The following ARHGAP6 variants were observed in gnomAD, a reference collection of about 807,000 sequenced individuals.
ARHGAP6 encodes the protein Rho GTPase activating protein 6.
A neutral mutation model predicts 55.7 loss-of-function variants in ARHGAP6; 16 were observed. The observed-to-expected ratio is 0.29, with a 90% CI of 0.19 to 0.44. The LOEUF (loss-of-function observed/expected upper bound fraction) is 0.44. Among genes scored for constraint, ARHGAP6 ranks in the 20% least tolerant of loss-of-function variants. ARHGAP6 has a pLI of 1.00. For synonymous variants in ARHGAP6, 382 were observed against 360.9 expected (o/e 1.06, Z -0.66); for missense variants, 698 against 808.9 (o/e 0.86, Z 1.66).
intron 9 of ARHGAP6, among the ~76,000 whole-genome samples, chrX:11,165,073 C>A (rs922453618): frequency 9.0e-6 from 1 of 111,706 alleles, no homozygotes; most frequent in African/African-American, 3.3e-5. Context: ...GTGTTGATAT[C>A]AGAAGTGGAG....
chrX:11,570,568 C>T (rs902257073), intron 1 of ARHGAP6, among the ~76,000 whole-genome samples: 4 of 110,117 alleles, frequency 3.6e-5, no homozygotes, highest in Non-Finnish European at 5.7e-5. Flanking sequence ...CCAGAAGATA[C>T]CACTATTATT....
At chrX:11,304,315 C>T (rs5935000) in intron 1 of ARHGAP6, among the ~76,000 whole-genome samples, 2,408 of 110,654 alleles carry the variant, frequency 0.022, 29 homozygotes, top group Middle Eastern at 0.06. Flanking sequence ...GTCTTGAACT[C>T]CTGACCTCAA....
chrX:11,208,084 T>A (rs2046734091), intron 2 of ARHGAP6, among the ~76,000 whole-genome samples: 1 of 112,044 alleles, frequency 8.9e-6, no homozygotes, highest in Admixed American at 9.5e-5. Flanking sequence ...GAGAAACACC[T>A]CTACCTCCAT....
At chrX:11,513,678 G>C (rs1019791527) in intron 1 of ARHGAP6, among the ~76,000 whole-genome samples, 1 of 110,563 alleles carries the variant, frequency 9.0e-6, no homozygotes, top group Non-Finnish European at 1.9e-5. Flanking sequence ...TTTTATCTTT[G>C]GGCACAGAGA....
intron 1 of ARHGAP6, among the ~76,000 whole-genome samples, chrX:11,323,463 TG>T (rs1377124043): frequency 8.9e-6 from 1 of 112,229 alleles, no homozygotes; most frequent in African/African-American, 3.2e-5. Context: ...ATCAAATTTA[TG>T]GTGAAGATTG....
At chrX:11,430,110 C>A (rs1569341587) in intron 1 of ARHGAP6, among the ~76,000 whole-genome samples, 1 of 112,103 alleles carries the variant, frequency 8.9e-6, no homozygotes, top group Non-Finnish European at 1.9e-5. Context: ...CAAGGTGGAT[C>A]CCTGGGTCTT....
At chrX:11,446,862 T>C (rs1250319552) in intron 1 of ARHGAP6, among the ~76,000 whole-genome samples, 1 of 111,932 alleles carries the variant, frequency 8.9e-6, no homozygotes, top group Non-Finnish European at 1.9e-5. Context: ...AAGAACGACA[T>C]TGAGTCTCAC....
chrX:11,335,578 C>T (rs1016960425), intron 1 of ARHGAP6: 22 of 183,874 alleles, frequency 1.2e-4, no homozygotes, highest in Non-Finnish European at 2.1e-4. Context: ...TGCATAGTAT[C>T]CCATGGTGTA....
chrX:11,634,227 T>C (rs2052393162), intron 1 of ARHGAP6, among the ~76,000 whole-genome samples: 1 of 110,452 alleles, frequency 9.1e-6, no homozygotes, highest in South Asian at 3.9e-4. Context: ...CTGGTAATTA[T>C]TTTTATTTAA....
chrX:11,435,134 C>T (rs1364213997), intron 1 of ARHGAP6, among the ~76,000 whole-genome samples: 2 of 111,825 alleles, frequency 1.8e-5, no homozygotes, highest in Admixed American at 1.9e-4. Flanking sequence ...GCCAGATATG[C>T]TGCTCAACTT....
intron 1 of ARHGAP6, among the ~76,000 whole-genome samples, chrX:11,280,553 T>C (rs2047841663): frequency 1.8e-5 from 2 of 109,990 alleles, no homozygotes; most frequent in African/African-American, 6.6e-5. Flanking sequence ...GTATCCACAA[T>C]AGGTTACTTG....
intron 1 of ARHGAP6, among the ~76,000 whole-genome samples, chrX:11,557,684 A>G (rs1021473171): frequency 2.7e-5 from 3 of 112,307 alleles, no homozygotes; most frequent in Non-Finnish European, 5.6e-5. Context: ...CTGTAAGCAC[A>G]AAGAACTTCA....
intron 2 of ARHGAP6, among the ~76,000 whole-genome samples, chrX:11,220,715 C>A (rs2046956531): frequency 9.1e-6 from 1 of 110,185 alleles, no homozygotes; most frequent in Non-Finnish European, 1.9e-5. Flanking sequence ...TAGGAAGAAA[C>A]TGCATCGACT....
intron 1 of ARHGAP6, among the ~76,000 whole-genome samples, chrX:11,628,375 C>A (rs938252186): frequency 3.6e-5 from 4 of 112,621 alleles, no homozygotes; most frequent in African/African-American, 1.3e-4. Context: ...CCCCCAACAT[C>A]ATCTTCTGAT....
At position 11,308,103 on chromosome X, in the gene ARHGAP6, G is replaced by C. The variant is rs2048256893; in HGVS notation, c.589-53396C>G. ...ATTTGCAAATGAATTGATGTGGCCT[G>C]ATCATATTGTTTAAGGTAATAGATC... On this transcript the variant is annotated intron_variant, in intron 1 of 12. Coordinates refer to ENST00000337414, the MANE Select transcript of ARHGAP6 (RefSeq NM_013427.3). Among the ~76,000 whole-genome samples the C allele has an allele frequency of 2.7e-5, 3 of 112,229 alleles. No individual in the cohort carries two copies. In the South Asian group the frequency reaches 1.1e-3, roughly 41 times the overall value.
intron 1 of ARHGAP6, among the ~76,000 whole-genome samples, chrX:11,539,925 T>C (rs992808739): frequency 3.6e-5 from 4 of 110,992 alleles, no homozygotes; most frequent in Non-Finnish European, 7.5e-5. Flanking sequence ...TCATTGGTTA[T>C]CCAGGGACAA....
At chrX:11,417,439 A>G (rs1310495741) in intron 1 of ARHGAP6, among the ~76,000 whole-genome samples, 1 of 109,377 alleles carries the variant, frequency 9.1e-6, no homozygotes, top group African/African-American at 3.3e-5. Flanking sequence ...CAGTCTGTAC[A>G]GGTAATAAAA....
At chrX:11,398,838 T>C (rs903336172) in intron 1 of ARHGAP6, among the ~76,000 whole-genome samples, 1 of 111,871 alleles carries the variant, frequency 8.9e-6, no homozygotes, top group Non-Finnish European at 1.9e-5. Flanking sequence ...CCAGATTAAC[T>C]GCAGGTGAAA....
chrX:11,211,406 A>AT (rs1378880098), intron 2 of ARHGAP6, among the ~76,000 whole-genome samples: 6 of 106,957 alleles, frequency 5.6e-5, no homozygotes, highest in Non-Finnish European at 7.7e-5. Flanking sequence ...AATTTTTTGT[A>AT]TTTTTAGTAG....
Sources: allele counts gnomAD v4.1 joint callset (sites outside exome capture counted in the v4.1 genomes callset), GRCh38; gene constraint gnomAD v4.1.1; transcripts MANE v1.5; gene names NCBI Gene and HGNC (gene_info 2026-07-23, HGNC 2026-07-21).